Variants in CCSER1 observed in about 807,000 individuals in gnomAD.
CCSER1 encodes the protein serine-rich coiled-coil domain-containing protein 1.
Under a neutral mutation model 82.0 loss-of-function variants are expected in CCSER1, and 41 were observed. The ratio of observed to expected loss-of-function variants is 0.50; its 90% CI spans 0.39 to 0.65. The LOEUF is 0.65. Among genes scored for constraint, CCSER1 ranks in the 30% least tolerant of loss-of-function variants. The pLI is 0.00. For synonymous variants in CCSER1, 414 were observed against 383.9 expected, an observed-to-expected ratio of 1.08 and a Z score of -0.92; for missense variants, 1,119 against 1,064.2, an observed-to-expected ratio of 1.05 and a Z score of -0.72.
intron 4 of CCSER1, among the ~76,000 whole-genome samples, chr4:90,416,771 T>A (rs539766558): frequency 2.4e-4 from 37 of 152,360 alleles, no homozygotes; most frequent in African/African-American, 8.7e-4. Flanking sequence ...ACATTTTAAG[T>A]GATAATTTAC....
At position 90,369,346 on chromosome 4, in the gene CCSER1, A is replaced by AGGAGGAG. The variant is rs1282020427; in HGVS notation, c.1510-30689_1510-30688insGAGGAGG. Among the ~76,000 whole-genome samples, 385 of 125,712 alleles carry AGGAGGAG rather than the reference A, an allele frequency of 3.1e-3. 39 individuals are homozygous for AGGAGGAG. Among genetic ancestry groups the AGGAGGAG allele is most frequent in the Middle Eastern group, 8.4e-3 (2 of 238 alleles). 82.5% of individuals were successfully genotyped at this position (125,712 alleles called of 152,430 possible). A position where few individuals can be genotyped will look rare whatever the true frequency, so the allele number is the denominator to read the frequency against. On this transcript the variant is annotated intron_variant, in intron 3 of 10. Transcript: ENST00000509176. ...GAGGAGGAAGAAAGAAGAAGAAGAAAGAAAAGAGGAGGAAAAGGAAAAGAA... is the reference window on the plus strand; with the variant it reads ...GAGGAGGAAGAAAGAAGAAGAAGAAAGGAGGAGGAAAAGAGGAGGAAAAGGAAAAGAA...
At chr4:90,781,425 A>T (rs1339223119) in intron 7 of CCSER1, 2 of 985,150 alleles carry the variant, frequency 2.0e-6, no homozygotes, top group African/African-American at 3.5e-5. Context: ...ATACTAACCT[A>T]ACTCATGGCA....
At chr4:90,914,451 A>G (rs1726960584) in intron 8 of CCSER1, among the ~76,000 whole-genome samples, 1 of 152,228 alleles carries the variant, frequency 6.6e-6, no homozygotes. Context: ...ACCAATGAGA[A>G]CAAAGACACA....
At chr4:90,986,885 C>T (rs1736621625) in intron 9 of CCSER1, among the ~76,000 whole-genome samples, 1 of 151,634 alleles carries the variant, frequency 6.6e-6, no homozygotes, top group Admixed American at 6.6e-5. Flanking sequence ...TAGATTTAGT[C>T]AACTTGCTAA....
chr4:90,199,075 A>G (rs1213737110), intron 1 of CCSER1, among the ~76,000 whole-genome samples: 3 of 152,170 alleles, frequency 2.0e-5, no homozygotes. Flanking sequence ...GATTATCCCA[A>G]TCTTTTGTAA....
At chr4:90,962,398 C>T (rs997091919) in intron 9 of CCSER1, among the ~76,000 whole-genome samples, 10 of 152,092 alleles carry the variant, frequency 6.6e-5, no homozygotes, top group African/African-American at 2.2e-4. Context: ...ATTTAATATA[C>T]TATTTAAACA....
At chr4:91,099,284 T>G (rs1724823296) in intron 10 of CCSER1, among the ~76,000 whole-genome samples, 1 of 152,162 alleles carries the variant, frequency 6.6e-6, no homozygotes, top group African/African-American at 2.4e-5. Context: ...TATATAGAAT[T>G]TTTCAGTGGT....
At chr4:90,742,126 A>G (rs1746651263) in intron 7 of CCSER1, among the ~76,000 whole-genome samples, 1 of 152,188 alleles carries the variant, frequency 6.6e-6, no homozygotes, top group Admixed American at 6.5e-5. Flanking sequence ...GGGAAGTGCT[A>G]CACACTTCCG....
intron 7 of CCSER1, among the ~76,000 whole-genome samples, chr4:90,753,132 C>T (rs1748959926): frequency 6.6e-6 from 1 of 152,062 alleles, no homozygotes; most frequent in Admixed American, 6.6e-5. Context: ...ATAGCATCTT[C>T]AACAAAGAAC....
At chr4:90,744,771 G>T (rs918518630) in intron 7 of CCSER1, among the ~76,000 whole-genome samples, 1 of 152,050 alleles carries the variant, frequency 6.6e-6, no homozygotes, top group African/African-American at 2.4e-5. Context: ...AGGGATCTAG[G>T]TTGTGTGATC....
intron 6 of CCSER1, chr4:90,642,316 A>G (rs1413347179): frequency 6.5e-6 from 1 of 153,748 alleles, no homozygotes; most frequent in Non-Finnish European, 1.5e-5. Context: ...TTTAGATAAC[A>G]TAATGCAATT....
rs142649776 is a variant in CCSER1 at position 90,683,651 on chromosome 4, AT to A, written c.1933-40262del. Among the ~76,000 whole-genome samples the A allele has an allele frequency of 1.7e-3, 255 of 152,270 alleles. 1 individual carries two copies. The highest frequency in any genetic ancestry group is 6.0e-3 in the African/African-American group (249 of 41,562). ...CAACATCTTTTTATTCAACAAACAT[AT>A]GTATTTAAAACAATTTTCTGCTGTA... On this transcript the variant is annotated intron_variant, in intron 6 of 10. Coordinates refer to ENST00000509176, the MANE Select transcript of CCSER1 (RefSeq NM_001145065.2).
At chr4:90,585,522 C>A (rs183909905) in intron 5 of CCSER1, among the ~76,000 whole-genome samples, 1 of 152,218 alleles carries the variant, frequency 6.6e-6, no homozygotes, top group African/African-American at 2.4e-5. Flanking sequence ...CTCTAAAATG[C>A]TTTCTTATTC....
chr4:90,432,368 T>G (rs933593436), intron 4 of CCSER1, among the ~76,000 whole-genome samples: 3 of 152,198 alleles, frequency 2.0e-5, no homozygotes, highest in Non-Finnish European at 2.9e-5. Context: ...CAGGCTCTTA[T>G]GTCAGCCACA....
At chr4:91,515,859 A>G (rs1238667750) in intron 10 of CCSER1, among the ~76,000 whole-genome samples, 1 of 105,864 alleles carries the variant, frequency 9.4e-6, no homozygotes, top group Admixed American at 1.0e-4. Flanking sequence ...TCTTGCCAGC[A>G]TCTCTTTTTT....
intron 10 of CCSER1, among the ~76,000 whole-genome samples, chr4:91,167,398 C>G (rs1259931544): frequency 2.0e-5 from 3 of 151,962 alleles, no homozygotes; most frequent in African/African-American, 7.3e-5. Context: ...CTTGGCCAGG[C>G]TGGTCTTGAA....
chr4:90,140,095 A>G (rs1171785229), intron 1 of CCSER1, among the ~76,000 whole-genome samples: 4 of 152,234 alleles, frequency 2.6e-5, no homozygotes, highest in Admixed American at 6.5e-5. Flanking sequence ...GTCAAATAAT[A>G]TGGTCATCAT....
rs570256538 is a variant in CCSER1 at position 90,827,391 on chromosome 4, A to G, written c.2094+11546A>G. Among the ~76,000 whole-genome samples the G allele has an allele frequency of 8.5e-5, 13 of 152,304 alleles. No homozygotes were observed. The East Asian group carries it at 2.3e-3, about 27-fold the overall frequency. On this transcript the variant is annotated intron_variant, in intron 8 of 10. Coordinates refer to ENST00000509176, the MANE Select transcript of CCSER1 (RefSeq NM_001145065.2). ...TCAGGTTGGGAACTTCAGACCACAGACATCCTGTTCTTACAAATTAGGAGA... is the reference window on the plus strand; with the variant it reads ...TCAGGTTGGGAACTTCAGACCACAGGCATCCTGTTCTTACAAATTAGGAGA...
At chr4:90,480,815 G>A (rs1461876603) in intron 5 of CCSER1, among the ~76,000 whole-genome samples, 1 of 151,738 alleles carries the variant, frequency 6.6e-6, no homozygotes, top group Non-Finnish European at 1.5e-5. Context: ...GTAGCATGAT[G>A]CCTCCAGCTT....
Sources: allele counts gnomAD v4.1 joint callset (sites outside exome capture counted in the v4.1 genomes callset), GRCh38; gene constraint gnomAD v4.1.1; transcripts MANE v1.5; gene names NCBI Gene and HGNC (gene_info 2026-07-23, HGNC 2026-07-21).